NRDE2: variants seen among roughly 807,000 people sequenced by gnomAD.
NRDE2 encodes the protein NRDE-2, necessary for RNA interference, domain containing.
In NRDE2, 76 loss-of-function variants were observed where a neutral mutation model predicts 124.2. The ratio of observed to expected loss-of-function variants is 0.61; its 90% CI spans 0.51 to 0.74. NRDE2 has a LOEUF of 0.74. Among genes scored for constraint, NRDE2 ranks in the 30% least tolerant of loss-of-function variants. The probability of loss-of-function intolerance (pLI) is 0.00; values close to 1 mark genes in which losing one functional copy is unlikely to be tolerated. For missense variants in NRDE2, 1,314 were observed against 1,417.3 expected (o/e 0.93, Z 1.17); for synonymous variants, 489 against 528.1 (o/e 0.93, Z 1.01).
intron 4 of NRDE2, among the ~76,000 whole-genome samples, chr14:90,307,893 C>T (rs902554001): frequency 5.9e-5 from 9 of 152,190 alleles, no homozygotes; most frequent in Non-Finnish European, 8.8e-5. Context: ...ATAGCTGGGA[C>T]TTCAGGCACA....
At position 90,269,666 on chromosome 14, in the gene NRDE2, G is replaced by A; in HGVS notation, c.*8670C>T. On this transcript the variant is annotated 3_prime_UTR_variant, in exon 14 of 14. Coordinates refer to ENST00000354366, the MANE Select transcript of NRDE2 (RefSeq NM_017970.4). The stretch of plus-strand genomic sequence containing the variant: ...AAAGCAAATACTGCAGTGAAACTTA[G>A]GATAATTTACAAAAAAATAGGTCCT... 1 of 1,186,200 alleles carries A rather than the reference G, an allele frequency of 8.4e-7. No individual in the cohort carries two copies. Among genetic ancestry groups the A allele is most frequent in the Non-Finnish European group, 1.2e-6 (1 of 845,520 alleles). The allele number at this position is 1,186,200 out of a possible 1,614,324, so 73.5% of individuals were successfully genotyped here.
intron 1 of NRDE2, among the ~76,000 whole-genome samples, chr14:90,330,434 T>C (rs1010180530): frequency 2.0e-5 from 3 of 152,108 alleles, no homozygotes; most frequent in African/African-American, 4.8e-5. Context: ...TATGCTACAA[T>C]GAATAGACAA....
At chr14:90,321,965 C>T (rs1042610402) in intron 1 of NRDE2, among the ~76,000 whole-genome samples, 1 of 152,094 alleles carries the variant, frequency 6.6e-6, no homozygotes, top group Admixed American at 6.6e-5. Flanking sequence ...TGGACACCAC[C>T]TCCTCCCCTA....
In NRDE2 at chr14:90,330,213, A is replaced by AAAAAAAAT. The variant is rs1566705524; in HGVS notation, c.64+1627_64+1628insATTTTTTT. Among the ~76,000 whole-genome samples the AAAAAAAAT allele has an allele frequency of 7.7e-3, 1,031 of 133,324 alleles. 16 individuals carry two copies. The highest frequency in any genetic ancestry group is 0.026 in the African/African-American group (1,001 of 37,956). 87.5% of individuals were successfully genotyped at this position (133,324 alleles called of 152,430 possible). A position where few individuals can be genotyped will look rare whatever the true frequency, so the allele number is the denominator to read the frequency against. The stretch of plus-strand genomic sequence containing the variant: ...CAGAGCAAGACTTGGTCTCAAAAAA[A>AAAAAAAAT]AAAATAAATAAATAAATAAATAAAA... On this transcript the variant is annotated intron_variant, in intron 1 of 13. Coordinates refer to ENST00000354366, the MANE Select transcript of NRDE2 (RefSeq NM_017970.4).
Position 90,304,218 on chromosome 14 carries a change from C to A in NRDE2, c.722G>T (p.Ser241Ile). The part of the protein sequence containing the change: ...LMNIDGVAIS[S>I]KTEPPSSEPI... ...CTCAGATGAGGGAGGTTCAGTTTTA[C>A]TGCTAATGGCAACTCCATCGATGTT... The change falls in exon 5 of 14, where the codon AGT becomes ATT. Residue 241 changes from serine (S) to isoleucine (I), a missense_variant. Transcript: ENST00000354366. 6.2e-7 allele frequency: 1 copy of A among 1,614,186 alleles called. No homozygotes were observed. Among genetic ancestry groups the A allele is most frequent in the Middle Eastern group, 1.6e-4 (1 of 6,062 alleles).
At chr14:90,321,389 T>A (rs1885234034) in intron 1 of NRDE2, among the ~76,000 whole-genome samples, 1 of 151,820 alleles carries the variant, frequency 6.6e-6, no homozygotes, top group Non-Finnish European at 1.5e-5. Context: ...AATTGAGGCT[T>A]TGCTGTATGG....
rs1270837131 is a variant in NRDE2, at chr14:90,268,347, G to A, written c.*9989C>T. On this transcript the variant is annotated 3_prime_UTR_variant, in exon 14 of 14. Coordinates refer to ENST00000354366, the MANE Select transcript of NRDE2 (RefSeq NM_017970.4). ...CCCAAACTCGTACGGGAATTGTTCC[G>A]AGTTGCTGAAGAACATGCACCGTCC... is the stretch of plus-strand genomic sequence containing the variant. The A allele has an allele frequency of 3.7e-6, 6 of 1,613,722 alleles. No homozygotes were observed. The highest frequency in any genetic ancestry group is 5.1e-6 in the Non-Finnish European group (6 of 1,179,788).
intron 1 of NRDE2, among the ~76,000 whole-genome samples, chr14:90,319,625 T>C (rs994001410): frequency 1.2e-4 from 18 of 152,180 alleles, no homozygotes; most frequent in African/African-American, 4.1e-4. Flanking sequence ...CTTACCACAA[T>C]GTTTTCAAGG....
In NRDE2 at chr14:90,289,119, G is replaced by GT. The variant is rs757690001; in HGVS notation, c.2255dup (p.Asn752LysfsTer21). On this transcript the variant is annotated frameshift_variant, in exon 11 of 14. Coordinates refer to ENST00000354366, the MANE Select transcript of NRDE2 (RefSeq NM_017970.4). LOFTEE classifies it high-confidence loss of function. ...TCCCTTGAGACTTTAATCTCTTCTT[G>GT]TTTTTAGTGTGCAGGCACCAAATGA... 5.6e-6 allele frequency: 9 copies of GT among 1,607,504 alleles called. No homozygotes were observed. The highest frequency in any genetic ancestry group is 7.7e-6 in the Non-Finnish European group (9 of 1,175,062).
Position 90,278,195 on chromosome 14 carries a change from T to C in NRDE2, c.*141A>G, listed in dbSNP as rs1891849052. The C allele has an allele frequency of 1.1e-6, 1 of 943,614 alleles. No individual in the cohort carries two copies. The allele number at this position is 943,614 out of a possible 1,614,324, so 58.5% of individuals were successfully genotyped here. A position where few individuals can be genotyped will look rare whatever the true frequency, so the allele number is the denominator to read the frequency against. On this transcript the variant is annotated 3_prime_UTR_variant, in exon 14 of 14. Transcript: ENST00000354366. ...AAAAAGTGTGCAAGATGTGAGAGGC[T>C]GGCAGCCCACATTATTACTATCGAG...
Position 90,285,270 on chromosome 14 carries a change from TA to T in NRDE2, c.3297+1083del, listed in dbSNP as rs796590562. Among the ~76,000 whole-genome samples, 820 of 106,018 alleles carry T rather than the reference TA, an allele frequency of 7.7e-3. 4 individuals carry two copies. The highest frequency in any genetic ancestry group is 0.021 in the African/African-American group (566 of 27,564). 69.6% of individuals were successfully genotyped at this position (106,018 alleles called of 152,430 possible). A position where few individuals can be genotyped will look rare whatever the true frequency, so the allele number is the denominator to read the frequency against. ...TGGGCAACAGAATGAGACCTTGTCT[TA>T]AAAAAAAAAAAAAAAAAAGGAAATG... On this transcript the variant is annotated intron_variant, in intron 12 of 13. Transcript: ENST00000354366.
Position 90,317,997 on chromosome 14 carries a change from A to C in NRDE2, c.173+8T>G, listed in dbSNP as rs1885108104. 1.2e-6 allele frequency: 2 copies of C among 1,611,238 alleles called. No individual in the cohort carries two copies. The highest frequency in any genetic ancestry group is 1.7e-6 in the Non-Finnish European group (2 of 1,178,614). On this transcript the variant is annotated splice_region_variant and intron_variant, in intron 2 of 13. Coordinates refer to ENST00000354366, the MANE Select transcript of NRDE2 (RefSeq NM_017970.4). ...AAAACGAAAACACATCTGTCAAACA[A>C]AAACTACCTTGTCAGCGGTAACCCT... is the stretch of plus-strand genomic sequence containing the variant.
intron 1 of NRDE2, 132 bp downstream of exon 1, chr14:90,331,709 G>C (rs1329291418): frequency 2.0e-6 from 2 of 1,010,498 alleles, no homozygotes; most frequent in East Asian, 4.8e-5. Context: ...TTTCCCAGAA[G>C]GCTTTGCAGC....
At chr14:90,304,561 T>G in intron 4 of NRDE2, 179 bp from the exon 5 acceptor site, 1 of 564,786 alleles carries the variant, frequency 1.8e-6, no homozygotes, top group East Asian at 2.8e-5. Flanking sequence ...ACTTTCTTTC[T>G]GCCTGGCTTG....
chr14:90,318,225 G>T, intron 1 of NRDE2, 112 bp from the exon 2 acceptor site: 1 of 790,958 alleles, frequency 1.3e-6, no homozygotes. Flanking sequence ...ATGCCAGCCA[G>T]ACGTTTTGAA....
chr14:90,310,554 T>G (rs1159855751), intron 4 of NRDE2, among the ~76,000 whole-genome samples: 1 of 150,532 alleles, frequency 6.6e-6, no homozygotes, highest in Non-Finnish European at 1.5e-5. Flanking sequence ...AGAGTCTTGC[T>G]CTGTTGCCCA....
At position 90,292,833 on chromosome 14, in the gene NRDE2, A is replaced by G; in HGVS notation, c.1706T>C (p.Ile569Thr). 6.2e-7 allele frequency: 1 copy of G among 1,614,042 alleles called. No homozygotes were observed. The highest frequency in any genetic ancestry group is 1.1e-5 in the South Asian group (1 of 91,072). Residue 569 changes from isoleucine (I) to threonine (T), a missense_variant, in exon 9 of 14, where the codon ATA becomes ACA. Physicochemically the swap from Ile to Thr is moderately conservative, Grantham distance 89 (BLOSUM62 -1). Coordinates refer to ENST00000354366, the MANE Select transcript of NRDE2 (RefSeq NM_017970.4). ...CCACCTGGGCAGAGTCTTATCTTTT[A>G]TTTCCTGGTCATCCTCTTCTGGTTC... ...DDEPEEDDQE[I>T]KDKTLPRWQI...
chr14:90,308,820 G>A (rs187536302), intron 4 of NRDE2, among the ~76,000 whole-genome samples: 10 of 152,218 alleles, frequency 6.6e-5, no homozygotes, highest in East Asian at 3.9e-4. Context: ...TGAATCAAGC[G>A]TGCCCAATTG....
At position 90,270,135 on chromosome 14, in the gene NRDE2, C is replaced by G; in HGVS notation, c.*8201G>C. The stretch of plus-strand genomic sequence containing the variant: ...TATGTAAGGAGATGGGCTGAGGCCT[C>G]TGAGCCATGGCCGAGCCTGGGTTTG... On this transcript the variant is annotated 3_prime_UTR_variant, in exon 14 of 14. Coordinates refer to ENST00000354366, the MANE Select transcript of NRDE2 (RefSeq NM_017970.4). 6.3e-7 allele frequency: 1 copy of G among 1,582,438 alleles called. No individual in the cohort carries two copies. The highest frequency in any genetic ancestry group is 8.6e-7 in the Non-Finnish European group (1 of 1,158,470).
Sources: allele counts gnomAD v4.1 joint callset (sites outside exome capture counted in the v4.1 genomes callset), GRCh38; gene constraint gnomAD v4.1.1; transcripts MANE v1.5; gene names NCBI Gene and HGNC (gene_info 2026-07-23, HGNC 2026-07-21).